The following NEO1 variants were observed in gnomAD, a reference collection of about 807,000 sequenced individuals.
NEO1 encodes neogenin 1.
A neutral mutation model predicts 159.7 loss-of-function variants in NEO1; 63 were observed. The ratio of observed to expected loss-of-function variants is 0.39; its 90% CI spans 0.32 to 0.49. The LOEUF is 0.49. Among genes scored for constraint, NEO1 ranks in the 20% least tolerant of loss-of-function variants. NEO1 has a pLI of 0.85. For synonymous variants in NEO1, 633 were observed against 662.0 expected, an observed-to-expected ratio of 0.96 and a Z score of 0.67; for missense variants, 1,615 against 1,831.0, an observed-to-expected ratio of 0.88 and a Z score of 2.15.
intron 22 of NEO1, among the ~76,000 whole-genome samples, chr15:73,279,652 G>A (rs1004509044): frequency 2.0e-5 from 3 of 151,996 alleles, no homozygotes; most frequent in Non-Finnish European, 2.9e-5. Flanking sequence ...CCCGGGGCCC[G>A]CGTGCACGTT....
intron 5 of NEO1, among the ~76,000 whole-genome samples, chr15:73,160,322 G>A: frequency 6.6e-6 from 1 of 152,164 alleles, no homozygotes; most frequent in East Asian, 1.9e-4. Context: ...CCTGCTGTAT[G>A]TCCTATAATT....
chr15:73,272,363 C>T, intron 18 of NEO1, 92 bp from the exon 19 acceptor site: 17 of 831,700 alleles, frequency 2.0e-5, no homozygotes, highest in South Asian at 3.7e-5. Flanking sequence ...TGCCTTGTGC[C>T]CTTTATTTTG....
intron 8 of NEO1, among the ~76,000 whole-genome samples, chr15:73,237,216 A>G: frequency 6.6e-6 from 1 of 152,184 alleles, no homozygotes; most frequent in Non-Finnish European, 1.5e-5. Flanking sequence ...AAGCCCCATG[A>G]AGCTCTCAAA....
intron 7 of NEO1, among the ~76,000 whole-genome samples, chr15:73,197,451 T>G (rs1033018449): frequency 6.6e-6 from 1 of 152,190 alleles, no homozygotes; most frequent in Non-Finnish European, 1.5e-5. Context: ...GAAGCTATGT[T>G]GTTAATGCAT....
Position 73,298,462 on chromosome 15 carries a change from C to G in NEO1, c.4016C>G (p.Ser1339Cys). The change falls in exon 27 of 29, where the codon TCC (serine) becomes TGC (cysteine). Residue 1339 changes from serine to cysteine, a missense_variant. Around this residue, in one of 3 missense-constraint regions of NEO1, gnomAD observed 471 missense variants for 498.9 expected, o/e 0.94. Coordinates refer to ENST00000261908, the MANE Select transcript of NEO1 (RefSeq NM_002499.4). ...ACCAGCTCCTCTTACTTGGCCAGCT[C>G]CCAAGAGGAAGATTCAGGCCAGAGT... ...GATSSSYLAS[S>C]QEEDSGQSLP... 6.2e-7 allele frequency: 1 copy of G among 1,614,222 alleles called. No individual in the cohort carries two copies. Among genetic ancestry groups the G allele is most frequent in the East Asian group, 2.2e-5 (1 of 44,888 alleles).
chr15:73,133,326 C>G (rs1333066466), intron 4 of NEO1, among the ~76,000 whole-genome samples: 1 of 152,108 alleles, frequency 6.6e-6, no homozygotes, highest in Admixed American at 6.5e-5. Flanking sequence ...TATGTTCTCA[C>G]TCATAAGTGG....
At chr15:73,099,811 A>G (rs575742646) in intron 1 of NEO1, among the ~76,000 whole-genome samples, 1 of 152,352 alleles carries the variant, frequency 6.6e-6, no homozygotes, top group Admixed American at 6.5e-5. Context: ...TTAGAGCAAC[A>G]TCAGCTCTCT....
chr15:73,150,174 T>G (rs2033259288), intron 5 of NEO1, among the ~76,000 whole-genome samples: 1 of 152,246 alleles, frequency 6.6e-6, no homozygotes, highest in South Asian at 2.1e-4. Context: ...ATGGGTCAGA[T>G]GGTTGTTCTG....
At chr15:73,292,745 G>T (rs1404215411) in intron 25 of NEO1, among the ~76,000 whole-genome samples, 1 of 152,188 alleles carries the variant, frequency 6.6e-6, no homozygotes, top group Non-Finnish European at 1.5e-5. Context: ...GTAAAAGATG[G>T]TGCCATCAGC....
chr15:73,258,861 G>C lies in NEO1; in HGVS notation c.2188G>C (p.Glu730Gln). ...TGACTGGCTGTCTGCTGAAACTTTT[G>C]AAAGTGACCTAGATGGTAAGAATAA... Reference protein sequence around the residue: ...ATDWLSAETFESDLDETRVPE... With the variant: ...ATDWLSAETFQSDLDETRVPE... Residue 730 changes from glutamate (E) to glutamine (Q), a missense_variant, in exon 14 of 29, where the codon GAA becomes CAA. Coordinates refer to ENST00000261908, the MANE Select transcript of NEO1 (RefSeq NM_002499.4). The C allele has an allele frequency of 2.5e-6, 4 of 1,613,658 alleles. No homozygotes were observed. The highest frequency in any genetic ancestry group is 3.4e-6 in the Non-Finnish European group (4 of 1,179,712).
chr15:73,094,129 A>G (rs533985606), intron 1 of NEO1, among the ~76,000 whole-genome samples: 193 of 152,302 alleles, frequency 1.3e-3, no homozygotes, highest in African/African-American at 4.3e-3. Context: ...TGTGCAACTC[A>G]GTAGCTTTTG....
intron 7 of NEO1, among the ~76,000 whole-genome samples, chr15:73,196,316 C>T (rs1013493348): frequency 1.3e-5 from 2 of 152,166 alleles, no homozygotes; most frequent in African/African-American, 4.8e-5. Context: ...TATTTTATAA[C>T]TTCCTCCAAT....
At chr15:73,243,850 A>T (rs2039609056) in intron 8 of NEO1, among the ~76,000 whole-genome samples, 1 of 152,170 alleles carries the variant, frequency 6.6e-6, no homozygotes, top group African/African-American at 2.4e-5. Context: ...ATTTATTTAA[A>T]TGTTTTATGT....
At chr15:73,293,808 A>G (rs1429243215) in intron 26 of NEO1, among the ~76,000 whole-genome samples, 5 of 152,198 alleles carry the variant, frequency 3.3e-5, no homozygotes, top group Non-Finnish European at 7.3e-5. Flanking sequence ...CTTGTTCCAT[A>G]AACTTGCACT....
chr15:73,174,460 A>G (rs142061034), intron 5 of NEO1, among the ~76,000 whole-genome samples: 244 of 152,276 alleles, frequency 1.6e-3, no homozygotes, highest in African/African-American at 5.7e-3. Flanking sequence ...ATCCAATGGG[A>G]TGCAGTGTGT....
chr15:73,142,188 G>A (rs2032459895), intron 5 of NEO1, among the ~76,000 whole-genome samples: 1 of 151,948 alleles, frequency 6.6e-6, no homozygotes, highest in African/African-American at 2.4e-5. Context: ...AACAATTTCT[G>A]TCACCAGTTC....
chr15:73,239,800 GC>G (rs2039398358), intron 8 of NEO1, among the ~76,000 whole-genome samples: 1 of 152,314 alleles, frequency 6.6e-6, no homozygotes, highest in South Asian at 2.1e-4. Context: ...CTGTTGTTAA[GC>G]AGTGCATGAC....
chr15:73,109,178 T>C (rs1001181207), intron 1 of NEO1, among the ~76,000 whole-genome samples: 2 of 152,226 alleles, frequency 1.3e-5, no homozygotes, highest in African/African-American at 4.8e-5. Context: ...AATGTGATTG[T>C]GAAAACTAAG....
At chr15:73,202,966 T>C (rs1026631504) in intron 7 of NEO1, among the ~76,000 whole-genome samples, 3 of 152,232 alleles carry the variant, frequency 2.0e-5, no homozygotes, top group Non-Finnish European at 2.9e-5. Flanking sequence ...CCTTCCTTTT[T>C]AATTCTGAAT....
Sources: gnomAD v4.1 joint callset for allele counts (sites outside exome capture counted in the v4.1 genomes callset) on GRCh38, gnomAD v4.1.1 for gene constraint, gnomAD v4.1.1 regional missense constraint, MANE v1.5 for transcripts, NCBI Gene and HGNC (gene_info 2026-07-23, HGNC 2026-07-21) for gene names.